Variants in PLCL2 observed in about 807,000 individuals in gnomAD.
The protein encoded by PLCL2 is phospholipase C like 2.
Under a neutral mutation model 79.6 loss-of-function variants are expected in PLCL2, and 4 were observed. That is an observed-to-expected ratio of 0.05 (90% CI 0.02 to 0.11). The LOEUF (loss-of-function observed/expected upper bound fraction) is 0.11, where lower values mean the gene tolerates loss of function less well. Ranked by LOEUF, PLCL2 falls within the 10% of genes least tolerant of loss-of-function variation. The pLI, the probability that PLCL2 is intolerant of heterozygous loss-of-function variation, is 1.00. For synonymous variants in PLCL2, 484 were observed against 457.7 expected, an observed-to-expected ratio of 1.06 and a Z score of -0.73; for missense variants, 895 against 1,291.0, an observed-to-expected ratio of 0.69 and a Z score of 4.70.
chr3:17,069,770 C>T (rs187266915), intron 5 of PLCL2, among the ~76,000 whole-genome samples: 25 of 152,260 alleles, frequency 1.6e-4, no homozygotes, highest in East Asian at 1.2e-3. Flanking sequence ...TCACGTTAAA[C>T]GTCTACTTAT....
intron 1 of PLCL2, among the ~76,000 whole-genome samples, chr3:16,903,148 A>G (rs1696668173): frequency 1.3e-5 from 2 of 152,144 alleles, no homozygotes; most frequent in South Asian, 2.1e-4. Context: ...AGGTGAAGCA[A>G]TTATTTTCTT....
intron 3 of PLCL2, among the ~76,000 whole-genome samples, chr3:17,033,019 A>T (rs746020729): frequency 6.6e-6 from 1 of 152,170 alleles, no homozygotes; most frequent in Non-Finnish European, 1.5e-5. Context: ...CTAGCTACCT[A>T]CAGATAAGAT....
intron 1 of PLCL2, among the ~76,000 whole-genome samples, chr3:16,958,749 AT>A (rs1285763701): frequency 1.3e-5 from 2 of 152,074 alleles, no homozygotes; most frequent in Non-Finnish European, 2.9e-5. Context: ...CTACATTGGT[AT>A]TTGTTTTCTA....
chr3:16,899,233 G>A (rs1696561680), intron 1 of PLCL2, among the ~76,000 whole-genome samples: 1 of 152,228 alleles, frequency 6.6e-6, no homozygotes, highest in African/African-American at 2.4e-5. Flanking sequence ...AGCTTAGCCT[G>A]TATATGGATG....
At chr3:17,082,205 G>A (rs1448454721) in intron 5 of PLCL2, among the ~76,000 whole-genome samples, 1 of 143,870 alleles carries the variant, frequency 7.0e-6, no homozygotes. Flanking sequence ...GTGCAATGGT[G>A]TGGTCTCAGC....
At chr3:16,975,678 G>A (rs559866615) in intron 1 of PLCL2, among the ~76,000 whole-genome samples, 11 of 152,156 alleles carry the variant, frequency 7.2e-5, no homozygotes, top group Non-Finnish European at 1.5e-4. Flanking sequence ...AGGAGTGTGT[G>A]TGTGAGGAGG....
At chr3:17,057,333 T>C (rs1199856981) in intron 4 of PLCL2, among the ~76,000 whole-genome samples, 1 of 152,182 alleles carries the variant, frequency 6.6e-6, no homozygotes, top group African/African-American at 2.4e-5. Context: ...GTCAGTGTCT[T>C]AAAGACTTCG....
intron 1 of PLCL2, among the ~76,000 whole-genome samples, chr3:16,970,040 A>T (rs913778884): frequency 2.2e-5 from 3 of 133,928 alleles, no homozygotes; most frequent in Non-Finnish European, 3.2e-5. Flanking sequence ...GCTTTGATTT[A>T]TATATATATA....
chr3:17,085,755 ATTTC>A (rs969927176), intron 5 of PLCL2, among the ~76,000 whole-genome samples: 1 of 149,766 alleles, frequency 6.7e-6, no homozygotes, highest in African/African-American at 2.4e-5. Context: ...GGCCCAATTT[ATTTC>A]TTATATACCA....
intron 1 of PLCL2, among the ~76,000 whole-genome samples, chr3:16,905,929 C>T (rs953794748): frequency 1.3e-5 from 2 of 152,146 alleles, no homozygotes; most frequent in East Asian, 3.9e-4. Context: ...GCCAGGGCAC[C>T]ATTAACCATC....
intron 5 of PLCL2, among the ~76,000 whole-genome samples, chr3:17,081,753 G>A (rs889735506): frequency 2.0e-5 from 3 of 152,300 alleles, no homozygotes; most frequent in East Asian, 3.9e-4. Flanking sequence ...TAAGCCACAG[G>A]CTCAGCCAGA....
At chr3:17,076,504 T>C (rs1225380573) in intron 5 of PLCL2, among the ~76,000 whole-genome samples, 3 of 151,998 alleles carry the variant, frequency 2.0e-5, no homozygotes, top group Admixed American at 6.6e-5. Flanking sequence ...CTTTCTGTGG[T>C]TTAAAAAAAA....
chr3:16,950,046 G>T (rs1018847569), intron 1 of PLCL2, among the ~76,000 whole-genome samples: 1 of 152,064 alleles, frequency 6.6e-6, no homozygotes, highest in African/African-American at 2.4e-5. Context: ...TTTAATTGCT[G>T]TATCTTCACA....
chr3:16,911,524 A>G (rs1455602949), intron 1 of PLCL2, among the ~76,000 whole-genome samples: 1 of 152,184 alleles, frequency 6.6e-6, no homozygotes, highest in Non-Finnish European at 1.5e-5. Flanking sequence ...ATATTAGATT[A>G]TATTTTCTTT....
At chr3:17,017,168 T>C (rs2064394632) in intron 3 of PLCL2, among the ~76,000 whole-genome samples, 2 of 152,180 alleles carry the variant, frequency 1.3e-5, no homozygotes, top group Non-Finnish European at 2.9e-5. Context: ...AGATGCTAGC[T>C]CTTAATATGT....
In PLCL2 at chr3:17,086,655, T is replaced by G. The variant is rs1051651883; in HGVS notation, c.3205-3078T>G. Among the ~76,000 whole-genome samples the G allele has an allele frequency of 3.3e-5, 5 of 152,218 alleles. No individual in the cohort carries two copies. The South Asian group carries it at 1.0e-3, about 31-fold the overall frequency. On this transcript the variant is annotated intron_variant, in intron 5 of 5. Coordinates refer to ENST00000615277, the MANE Select transcript of PLCL2 (RefSeq NM_001144382.2). Reference sequence around the variant, plus strand: ...GAGAATGAGAAGAGAAGCCACAGTCTGGGAGAAAATACTTGCAAAGGACAC... The same window carrying G: ...GAGAATGAGAAGAGAAGCCACAGTCGGGGAGAAAATACTTGCAAAGGACAC...
chr3:17,046,938 G>C (rs1461341199), intron 4 of PLCL2, among the ~76,000 whole-genome samples: 1 of 152,044 alleles, frequency 6.6e-6, no homozygotes, highest in Non-Finnish European at 1.5e-5. Context: ...ACAGTGGGGA[G>C]GTTAAAAATA....
At chr3:17,063,240 C>CCCTT (rs2064970857) in intron 4 of PLCL2, among the ~76,000 whole-genome samples, 3 of 53,192 alleles carry the variant, frequency 5.6e-5, no homozygotes, top group Admixed American at 2.1e-4. Context: ...CTCCCTCCCT[C>CCCTT]CCTGCCTTCC....
intron 1 of PLCL2, among the ~76,000 whole-genome samples, chr3:16,967,270 T>C (rs1381069719): frequency 6.6e-6 from 1 of 152,140 alleles, no homozygotes; most frequent in Non-Finnish European, 1.5e-5. Context: ...TGTATTCCTT[T>C]GGGTATGTAT....
Sources: gnomAD v4.1 joint callset for allele counts (sites outside exome capture counted in the v4.1 genomes callset) on GRCh38, gnomAD v4.1.1 for gene constraint, MANE v1.5 for transcripts, NCBI Gene and HGNC (gene_info 2026-07-23, HGNC 2026-07-21) for gene names.